Variants in SLC23A2 observed in about 807,000 individuals in gnomAD.
The protein encoded by SLC23A2 is Na(+)/L-ascorbic acid transporter 2.
SLC23A2 carries 36 observed loss-of-function variants against 73.3 expected under a neutral mutation model. The ratio of observed to expected loss-of-function variants is 0.49; its 90% CI spans 0.38 to 0.65. SLC23A2 has a LOEUF of 0.65. SLC23A2 is among the 30% of genes least tolerant of loss of function. SLC23A2 has a pLI of 0.00. For missense variants in SLC23A2, 507 were observed against 841.6 expected, an observed-to-expected ratio of 0.60 and a Z score of 4.92; for synonymous variants, 343 against 327.3, an observed-to-expected ratio of 1.05 and a Z score of -0.52.
At chr20:4,900,208 A>G (rs1931694656) in intron 5 of SLC23A2, among the ~76,000 whole-genome samples, 4 of 152,208 alleles carry the variant, frequency 2.6e-5, no homozygotes, top group African/African-American at 9.6e-5. Context: ...TTGTCTTACT[A>G]TTCACTGTCA....
chr20:5,005,387 C>G (rs2423086), upstream of SLC23A2, among the ~76,000 whole-genome samples: 29,536 of 151,898 alleles, frequency 0.19, 3,174 homozygotes, highest in African/African-American at 0.29. Flanking sequence ...ACAGCTCATA[C>G]AAACAAGGTT....
At chr20:4,912,851 G>A (rs1224921101) in intron 4 of SLC23A2, 29 bp downstream of exon 4, 3 of 1,418,378 alleles carry the variant, frequency 2.1e-6, no homozygotes, top group Non-Finnish European at 3.0e-6. Context: ...GGCGGTGGGA[G>A]TGGGGACACG....
intron 3 of SLC23A2, among the ~76,000 whole-genome samples, chr20:4,931,067 A>G (rs1375963950): frequency 9.0e-6 from 1 of 111,098 alleles, no homozygotes; most frequent in African/African-American, 4.1e-5. Flanking sequence ...TATTTTTTTA[A>G]GAAAAAAAAA....
rs535635114 is a variant in SLC23A2, at chr20:5,006,976, T to C, written c.-282+3206A>G. 2.2e-3 allele frequency among the ~76,000 whole-genome samples: 310 copies of C among 140,042 alleles called. 4 individuals are homozygous for C. The highest frequency in any genetic ancestry group is 0.015 in the Admixed American group (208 of 13,992). 91.9% of individuals were successfully genotyped at this position (140,042 alleles called of 152,430 possible). A position where few individuals can be genotyped will look rare whatever the true frequency, so the allele number is the denominator to read the frequency against. On this transcript the variant is annotated intron_variant, in intron 1 of 16. Coordinates refer to the SLC23A2 transcript ENST00000379333. Reference sequence around the variant, plus strand: ...GTGTGTGTGTGTGTGTGTGTGTGTGTGCGTGCGTGCGTGTTCAATGATGTG... The same window carrying C: ...GTGTGTGTGTGTGTGTGTGTGTGTGCGCGTGCGTGCGTGTTCAATGATGTG...
chr20:4,869,778 G>A (rs548237645), intron 12 of SLC23A2, 128 bp downstream of exon 12: 121 of 737,562 alleles, frequency 1.6e-4, no homozygotes, highest in Admixed American at 5.0e-4. Flanking sequence ...TCAAACAGTC[G>A]CTAGAGTCCT....
At chr20:5,000,961 A>G (rs1389352185) in intron 1 of SLC23A2, among the ~76,000 whole-genome samples, 2 of 152,002 alleles carry the variant, frequency 1.3e-5, no homozygotes, top group Non-Finnish European at 2.9e-5. Flanking sequence ...AGGGGGCGAG[A>G]CGATGCCCGT....
chr20:4,959,293 A>G (rs898478478), intron 2 of SLC23A2, among the ~76,000 whole-genome samples: 8 of 152,076 alleles, frequency 5.3e-5, no homozygotes, highest in South Asian at 2.1e-4. Context: ...CCAAGTGCTG[A>G]CAAGTTACTG....
At chr20:5,000,542 C>T (rs1028940264) in intron 1 of SLC23A2, among the ~76,000 whole-genome samples, 2 of 152,158 alleles carry the variant, frequency 1.3e-5, no homozygotes, top group African/African-American at 2.4e-5. Flanking sequence ...ATAGAAGTAG[C>T]ACCTACTACA....
At chr20:4,969,354 G>A (rs2087527004) in intron 2 of SLC23A2, among the ~76,000 whole-genome samples, 1 of 152,168 alleles carries the variant, frequency 6.6e-6, no homozygotes, top group Non-Finnish European at 1.5e-5. Context: ...TTCCCAAAGT[G>A]CTGGGATTCC....
chr20:4,886,688 C>T (rs1485411657), intron 6 of SLC23A2, among the ~76,000 whole-genome samples: 2 of 152,164 alleles, frequency 1.3e-5, no homozygotes, highest in Non-Finnish European at 2.9e-5. Context: ...TACAGCATTT[C>T]AGCTAAGTCA....
chr20:4,903,002 C>A, intron 4 of SLC23A2, among the ~76,000 whole-genome samples: 1 of 152,150 alleles, frequency 6.6e-6, no homozygotes, highest in Non-Finnish European at 1.5e-5. Flanking sequence ...CCCACTTCAT[C>A]CCTGCAAGTA....
chr20:4,852,912 C>G lies in SLC23A2; in HGVS notation c.*4060G>C, dbSNP rs1252431052. ...GTCTGTGAGGCTGCTGAAAAGAGAC[C>G]CCCAACGCTAATGTGCCTTATGGGT... On this transcript the variant is annotated 3_prime_UTR_variant, in exon 17 of 17. Coordinates refer to ENST00000338244, the MANE Select transcript of SLC23A2 (RefSeq NM_005116.6). The surrounding 1 kb of genome is among the most constrained non-coding windows in gnomAD (Gnocchi z 4.3). 1.3e-5 allele frequency: 2 copies of G among 152,588 alleles called. No individual in the cohort carries two copies. Among genetic ancestry groups the G allele is most frequent in the African/African-American group, 4.8e-5 (2 of 41,424 alleles). 9.5% of individuals were successfully genotyped at this position (152,588 alleles called of 1,614,324 possible). A position where few individuals can be genotyped will look rare whatever the true frequency, so the allele number is the denominator to read the frequency against.
chr20:4,912,829 G>GT, intron 4 of SLC23A2, 51 bp downstream of exon 4: 1 of 1,168,608 alleles, frequency 8.6e-7, no homozygotes, highest in Non-Finnish European at 1.3e-6. Context: ...GGCAGCACTT[G>GT]TGGGAGGGGA....
intron 2 of SLC23A2, among the ~76,000 whole-genome samples, chr20:4,965,926 C>CA (rs2087467122): frequency 6.9e-6 from 1 of 144,832 alleles, no homozygotes. Context: ...AAGATTGTGC[C>CA]ACTGCACTCC....
intron 15 of SLC23A2, among the ~76,000 whole-genome samples, chr20:4,861,485 A>G (rs577861719): frequency 1.3e-5 from 2 of 152,240 alleles, no homozygotes; most frequent in African/African-American, 2.4e-5. Context: ...TCCTCAGGAC[A>G]TTGCAGTGTT....
intron 1 of SLC23A2, among the ~76,000 whole-genome samples, chr20:5,007,624 T>C (rs1310162655): frequency 2.0e-5 from 3 of 152,200 alleles, no homozygotes; most frequent in African/African-American, 7.2e-5. Context: ...CCACTAATTT[T>C]AGAACATTTT....
chr20:4,987,577 G>C lies in SLC23A2; in HGVS notation c.-282+13829C>G, dbSNP rs183689088. 3.3e-4 allele frequency among the ~76,000 whole-genome samples: 50 copies of C among 152,264 alleles called. No individual in the cohort carries two copies. In the East Asian group the frequency reaches 9.5e-3, roughly 29 times the overall value. ...AAAAAAACACTATGTGGCCGGGCGC[G>C]GTGGCTCACGCCTATAATCTCAGCA... On this transcript the variant is annotated intron_variant, in intron 1 of 16. Transcript: ENST00000338244.
At chr20:5,009,573 G>C (rs564706760) in intron 1 of SLC23A2, among the ~76,000 whole-genome samples, 1 of 152,130 alleles carries the variant, frequency 6.6e-6, no homozygotes, top group African/African-American at 2.4e-5. Context: ...AGCTCCTCAC[G>C]TGGTGCCTAC....
At chr20:4,948,174 G>T (rs947007070) in intron 2 of SLC23A2, among the ~76,000 whole-genome samples, 2 of 152,204 alleles carry the variant, frequency 1.3e-5, no homozygotes, top group Admixed American at 1.3e-4. Flanking sequence ...GGACTCACCA[G>T]CCCTCTCTGT....
Sources: allele counts gnomAD v4.1 joint callset (sites outside exome capture counted in the v4.1 genomes callset), GRCh38; gene constraint gnomAD v4.1.1; non-coding constraint Gnocchi (gnomAD v3.1); transcripts MANE v1.5; gene names NCBI Gene and HGNC (gene_info 2026-07-23, HGNC 2026-07-21).